Variants in GALC observed in about 807,000 individuals in gnomAD.
GALC encodes galactocerebrosidase.
GALC carries 77 observed loss-of-function variants against 91.8 expected under a neutral mutation model. The observed-to-expected ratio is 0.84, with a 90% CI of 0.70 to 1.01. The LOEUF is 1.01. Ranked by LOEUF, GALC falls within the 50% of genes least tolerant of loss-of-function variation. The pLI, the probability that GALC is intolerant of heterozygous loss-of-function variation, is 0.00. For synonymous variants in GALC, 357 were observed against 306.7 expected (o/e 1.16, Z -1.71); for missense variants, 882 against 855.9 (o/e 1.03, Z -0.38).
intron 10 of GALC, chr14:87,954,267 G>A: frequency 3.3e-6 from 5 of 1,536,004 alleles, no homozygotes; most frequent in Admixed American, 1.7e-5. Flanking sequence ...TCAGCCTGAT[G>A]TATTAGTCCA....
intron 6 of GALC, chr14:87,976,850 A>G (rs984292375): frequency 7.6e-6 from 2 of 262,132 alleles, no homozygotes; most frequent in East Asian, 9.5e-5. Context: ...TCCTGACCTC[A>G]TGGATGATAA....
intron 16 of GALC, among the ~76,000 whole-genome samples, chr14:87,936,006 A>G (rs1673341668): frequency 6.6e-6 from 1 of 152,020 alleles, no homozygotes; most frequent in South Asian, 2.1e-4. Flanking sequence ...ACACCGAGCC[A>G]AGGGACTCAA....
chr14:87,970,794 G>T (rs1299233497), intron 7 of GALC, among the ~76,000 whole-genome samples: 1 of 149,778 alleles, frequency 6.7e-6, no homozygotes, highest in Admixed American at 6.6e-5. Flanking sequence ...GCATGAACCT[G>T]GGAGGCAAAG....
At position 87,984,500 on chromosome 14, in the gene GALC, T is replaced by G. The variant is rs568346072; in HGVS notation, c.476A>C (p.Lys159Thr). Residue 159 changes from lysine (K) to threonine (T), a missense_variant, in exon 5 of 17, where the codon AAA becomes ACA. Transcript: ENST00000261304. The part of the protein sequence containing the change: ...LPWSFPGWLG[K>T]GFDWPYVNLQ... ...ATTGACATAAGGCCAGTCGAAACCT[T>G]TTCCCAGCCATCCAGGGAATGACCA... The G allele has an allele frequency of 6.2e-7, 1 of 1,614,096 alleles. No individual in the cohort carries two copies.
At chr14:87,987,798 T>C (rs1887035634) in intron 3 of GALC, 1 of 183,024 alleles carries the variant, frequency 5.5e-6, no homozygotes, top group Admixed American at 5.7e-5. Flanking sequence ...AACACTTTTT[T>C]TGTTCTATAC....
At position 87,947,719 on chromosome 14, in the gene GALC, A is replaced by C. The variant is rs747839251; in HGVS notation, c.1489+9T>G. On this transcript the variant is annotated intron_variant, in intron 13 of 16. Coordinates refer to ENST00000261304, the MANE Select transcript of GALC (RefSeq NM_000153.4). ...GAGACCAAGTTAAGTTTTAGTGAAA[A>C]ATACTCACCAACATTGAAATCATCC... The C allele has an allele frequency of 1.2e-6, 2 of 1,611,810 alleles. No homozygotes were observed. The highest frequency in any genetic ancestry group is 1.7e-6 in the Non-Finnish European group (2 of 1,178,404).
intron 10 of GALC, chr14:87,952,726 C>A: frequency 6.6e-7 from 1 of 1,519,914 alleles, no homozygotes; most frequent in South Asian, 1.1e-5. Flanking sequence ...TCTTACTTAG[C>A]AAACTGTATG....
chr14:87,967,722 T>C lies in GALC; in HGVS notation c.908+613A>G, dbSNP rs1886114160. Among the ~76,000 whole-genome samples the C allele has an allele frequency of 2.6e-5, 4 of 152,196 alleles. No homozygotes were observed. In the South Asian group the frequency reaches 8.3e-4, roughly 32 times the overall value. On this transcript the variant is annotated intron_variant, in intron 8 of 16. Coordinates refer to ENST00000261304, the MANE Select transcript of GALC (RefSeq NM_000153.4). Reference sequence around the variant, plus strand: ...ATCAGACAGGCTGGGAAGCAGACAGTCCACAACACAACCAGCCTGGTCTTT... The same window carrying C: ...ATCAGACAGGCTGGGAAGCAGACAGCCCACAACACAACCAGCCTGGTCTTT...
intron 1 of GALC, chr14:87,992,299 C>T: frequency 6.5e-7 from 1 of 1,535,736 alleles, no homozygotes; most frequent in Non-Finnish European, 8.7e-7. Context: ...CAAAAACCTT[C>T]TCACCCAAAG....
chr14:87,940,928 G>A (rs974228241), intron 15 of GALC, among the ~76,000 whole-genome samples: 8 of 151,890 alleles, frequency 5.3e-5, no homozygotes, highest in Non-Finnish European at 1.0e-4. Flanking sequence ...AAAGATGACT[G>A]AGAAAAGTCA....
chr14:87,958,503 A>G (rs1426652794), intron 10 of GALC, among the ~76,000 whole-genome samples: 1 of 152,224 alleles, frequency 6.6e-6, no homozygotes, highest in African/African-American at 2.4e-5. Flanking sequence ...CATAAAATTT[A>G]TATAGGAACA....
At chr14:87,954,626 T>G in intron 10 of GALC, 9 of 1,585,432 alleles carry the variant, frequency 5.7e-6, no homozygotes, top group Non-Finnish European at 7.8e-6. Context: ...GATATCAGAC[T>G]TAGCAACCCA....
In GALC at chr14:87,954,320, A is replaced by T. The variant is rs183880085; in HGVS notation, c.1162-3572T>A. The stretch of plus-strand genomic sequence containing the variant: ...TTGATTTCACTATACTGACAGAGGC[A>T]GTATACAGTTATAGAGGACAGAAGC... On this transcript the variant is annotated intron_variant, in intron 10 of 16. Transcript: ENST00000261304. 3.1e-6 allele frequency: 5 copies of T among 1,589,602 alleles called. No homozygotes were observed. The East Asian group carries it at 1.1e-4, about 36-fold the overall frequency.
intron 14 of GALC, 141 bp from the exon 15 acceptor site, chr14:87,941,699 G>T: frequency 1.5e-6 from 1 of 685,798 alleles, no homozygotes; most frequent in South Asian, 1.6e-5. Context: ...CTGTAGCAGA[G>T]ATGGGCTTCA....
chr14:87,975,785 T>C (rs1361828956), intron 7 of GALC, among the ~76,000 whole-genome samples: 6 of 151,788 alleles, frequency 4.0e-5, no homozygotes, highest in Admixed American at 3.9e-4. Flanking sequence ...CAAACATACA[T>C]ATCCTATTTT....
intron 5 of GALC, 108 bp from the exon 6 acceptor site, chr14:87,982,351 C>G: frequency 2.7e-6 from 2 of 738,250 alleles, no homozygotes; most frequent in Non-Finnish European, 4.8e-6. Context: ...TTATCTGATA[C>G]GCCATTTTTT....
chr14:87,965,727 C>T (rs1886020505), intron 8 of GALC, 98 bp from the exon 9 acceptor site: 3 of 1,131,818 alleles, frequency 2.7e-6, no homozygotes, highest in Non-Finnish European at 2.6e-6. Flanking sequence ...TAGTAATACA[C>T]ATCTACATAA....
intron 6 of GALC, among the ~76,000 whole-genome samples, chr14:87,978,055 T>G (rs1450230318): frequency 6.6e-6 from 1 of 152,140 alleles, no homozygotes; most frequent in Non-Finnish European, 1.5e-5. Flanking sequence ...CACCCTGAAG[T>G]TCTTCCTTTT....
At chr14:87,942,312 T>C (rs1306418349) in intron 14 of GALC, among the ~76,000 whole-genome samples, 1 of 151,958 alleles carries the variant, frequency 6.6e-6, no homozygotes, top group Non-Finnish European at 1.5e-5. Flanking sequence ...GAAGTATCTG[T>C]CTATAAGGAA....
Sources: allele counts gnomAD v4.1 joint callset (sites outside exome capture counted in the v4.1 genomes callset), GRCh38; gene constraint gnomAD v4.1.1; transcripts MANE v1.5; gene names NCBI Gene and HGNC (gene_info 2026-07-23, HGNC 2026-07-21).